The following GNAS variants were observed in gnomAD, a reference collection of about 807,000 sequenced individuals.
GNAS encodes the protein protein ALEX.
Under a neutral mutation model 54.5 loss-of-function variants are expected in GNAS, and 8 were observed. That is an observed-to-expected ratio of 0.15 (90% confidence interval 0.09 to 0.26). The LOEUF (loss-of-function observed/expected upper bound fraction) is 0.26. Ranked by LOEUF, GNAS falls within the 10% of genes least tolerant of loss-of-function variation. The pLI, the probability that GNAS is intolerant of heterozygous loss-of-function variation, is 1.00. For synonymous variants in GNAS, 204 were observed against 191.4 expected, an observed-to-expected ratio of 1.07 and a Z score of -0.54; for missense variants, 170 against 529.8, an observed-to-expected ratio of 0.32 and a Z score of 6.67.
rs772065452 is a variant in GNAS at position 58,853,955 on chromosome 20, A to C, written c.43+13069A>C. 6.2e-7 allele frequency: 1 copy of C among 1,612,202 alleles called. No individual in the cohort carries two copies. Among genetic ancestry groups the C allele is most frequent in the South Asian group, 1.1e-5 (1 of 90,988 alleles). ...AGACTATGCCATTTGAGCTTGATGG[A>C]GAAGGATTTGGGGACGACAGCCCAC... On this transcript the variant is annotated intron_variant, in intron 1 of 12. Transcript: ENST00000306090. This position sits in a 1 kb window ranked among gnomAD's most constrained non-coding sequence, Gnocchi z 4.4.
At chr20:58,840,632 A>T, upstream of GNAS, 1 of 1,606,498 alleles carries the variant, frequency 6.2e-7, no homozygotes, top group Non-Finnish European at 8.5e-7. This position sits in a 1 kb window ranked among gnomAD's most constrained non-coding sequence, Gnocchi z 6.0. Context: ...CGCCTCCCCA[A>T]GTCGCGCGCC....
chr20:58,854,528 C>T lies in GNAS; in HGVS notation c.43+13642C>T, dbSNP rs1363700415. The T allele has an allele frequency of 1.9e-6, 3 of 1,580,446 alleles. No homozygotes were observed. Among genetic ancestry groups the T allele is most frequent in the Non-Finnish European group, 2.6e-6 (3 of 1,170,960 alleles). ...CCGGGACAGCACCAGCCGATCCTGA[C>T]TCCGGGGCATTCGCAGCCGATCCCG... On this transcript the variant is annotated intron_variant, in intron 1 of 12. Coordinates refer to the GNAS transcript ENST00000306090.
At chr20:58,892,842 G>C (rs542154991) in intron 1 of GNAS, among the ~76,000 whole-genome samples, 1 of 151,632 alleles carries the variant, frequency 6.6e-6, no homozygotes, top group African/African-American at 2.4e-5. Context: ...TTTTTCAAAA[G>C]CAGAGCGGAG....
At chr20:58,899,011 A>T in intron 3 of GNAS, 26 bp downstream of exon 3, 1 of 1,584,142 alleles carries the variant, frequency 6.3e-7, no homozygotes, top group Non-Finnish European at 8.7e-7. Flanking sequence ...ACCAGAAAAA[A>T]TTGTTAACAA....
Position 58,841,813 on chromosome 20 carries a change from G to C in GNAS, c.43+927G>C. 5 of 1,230,928 alleles carry C rather than the reference G, an allele frequency of 4.1e-6. No homozygotes were observed. The highest frequency in any genetic ancestry group is 5.1e-6 in the Non-Finnish European group (5 of 987,976). 76.3% of individuals were successfully genotyped at this position (1,230,928 alleles called of 1,614,324 possible). On this transcript the variant is annotated intron_variant, in intron 1 of 12. Coordinates refer to the GNAS transcript ENST00000306090. The surrounding 1 kb of genome is among the most constrained non-coding windows in gnomAD (Gnocchi z 5.0). ...GGCCAGGCTGCATGCGGCTTAGCAGGAGACGTCCTGGGCTGTTTGCGCAGG... is the reference window on the plus strand; with the variant it reads ...GGCCAGGCTGCATGCGGCTTAGCAGCAGACGTCCTGGGCTGTTTGCGCAGG...
chr20:58,899,983 C>T, intron 3 of GNAS: 2 of 717,234 alleles, frequency 2.8e-6, no homozygotes, highest in Non-Finnish European at 5.2e-6. Flanking sequence ...TACAGTTTCT[C>T]ATCTTCCCGG....
rs1419379810 is a variant in GNAS, at chr20:58,856,655, G to A, written c.43+15769G>A. Reference sequence around the variant, plus strand: ...TGAATTTTTTCAGGCAGCTTTAGCTGGGGGCAAAGAGGCTTGTCAAAGGTA... The same window carrying A: ...TGAATTTTTTCAGGCAGCTTTAGCTAGGGGCAAAGAGGCTTGTCAAAGGTA... On this transcript the variant is annotated intron_variant, in intron 1 of 12. Transcript: ENST00000306090. This position sits in a 1 kb window ranked among gnomAD's most constrained non-coding sequence, Gnocchi z 4.2. The A allele has an allele frequency of 6.6e-6, 1 of 152,250 alleles. No homozygotes were observed. The highest frequency in any genetic ancestry group is 2.4e-5 in the African/African-American group (1 of 41,464). The allele number at this position is 152,250 out of a possible 1,614,324, so 9.4% of individuals were successfully genotyped here. A position where few individuals can be genotyped will look rare whatever the true frequency, so the allele number is the denominator to read the frequency against.
Position 58,909,271 on chromosome 20 carries a change from C to G in GNAS, c.585+55C>G, listed in dbSNP as rs3730172. The G allele has an allele frequency of 0.02, 31,898 of 1,585,572 alleles. 1,337 individuals carry two copies. Among genetic ancestry groups the G allele is most frequent in the African/African-American group, 0.18 (13,075 of 74,296 alleles). Reference sequence around the variant, plus strand: ...TCTGAGCCCTCTTTCCAAACTACTCCAGACCTTTGCTTTAGATTGGCAATT... The same window carrying G: ...TCTGAGCCCTCTTTCCAAACTACTCGAGACCTTTGCTTTAGATTGGCAATT... On this transcript the variant is annotated intron_variant, in intron 7 of 12. Coordinates refer to ENST00000371085, the MANE Select transcript of GNAS (RefSeq NM_000516.7). This position sits in a 1 kb window ranked among gnomAD's most constrained non-coding sequence, Gnocchi z 7.3.
chr20:58,899,873 G>C, intron 3 of GNAS: 2 of 712,644 alleles, frequency 2.8e-6, no homozygotes, highest in African/African-American at 1.8e-5. Context: ...TTCTGTGGCC[G>C]GGGAGGGGAG....
chr20:58,846,732 G>A (rs2085954651), intron 1 of GNAS, among the ~76,000 whole-genome samples: 1 of 152,180 alleles, frequency 6.6e-6, no homozygotes, highest in Non-Finnish European at 1.5e-5. Flanking sequence ...TTATGTCGCT[G>A]TCTTAATTAG....
At chr20:58,898,814 T>A in intron 2 of GNAS, 127 bp from the exon 3 acceptor site, 1 of 860,058 alleles carries the variant, frequency 1.2e-6, no homozygotes, top group Non-Finnish European at 2.0e-6. Context: ...GGAGGATGGA[T>A]GGCTGGCGCG....
chr20:58,900,942 G>A lies in GNAS; in HGVS notation c.257+1957G>A, dbSNP rs183592819. Among the ~76,000 whole-genome samples, 401 of 152,112 alleles carry A rather than the reference G, an allele frequency of 2.6e-3. 2 individuals carry two copies. Among genetic ancestry groups the A allele is most frequent in the Non-Finnish European group, 4.1e-3 (278 of 67,996 alleles). On this transcript the variant is annotated intron_variant, in intron 3 of 12. Transcript: ENST00000371085. ...ACATACGTAGATGAATACTGAACACGTTCTCAAAATATCCGTATTTTAAGA... is the reference window on the plus strand; with the variant it reads ...ACATACGTAGATGAATACTGAACACATTCTCAAAATATCCGTATTTTAAGA...
intron 2 of GNAS, chr20:58,897,986 ACT>A (rs577435509): frequency 3.9e-5 from 6 of 151,910 alleles, no homozygotes; most frequent in South Asian, 4.2e-4. Flanking sequence ...ATTTGCCTTA[ACT>A]CTCTGCGGGC....
chr20:58,888,064 T>G (rs2088716218), upstream of GNAS, among the ~76,000 whole-genome samples: 1 of 152,204 alleles, frequency 6.6e-6, no homozygotes, highest in Non-Finnish European at 1.5e-5. Flanking sequence ...CCCATACCCC[T>G]GGGGACTGTT....
intron 1 of GNAS, among the ~76,000 whole-genome samples, chr20:58,844,449 C>G (rs1284396199): frequency 6.6e-6 from 1 of 152,168 alleles, no homozygotes; most frequent in Non-Finnish European, 1.5e-5. Flanking sequence ...TTTCCTATAA[C>G]TTGATGTCCC....
chr20:58,889,163 C>T (rs772817970), upstream of GNAS: 135 of 1,215,698 alleles, frequency 1.1e-4, 1 homozygote, highest in Admixed American at 2.7e-5. Flanking sequence ...AAGCTCTGCT[C>T]CCCGGCGGGG....
At chr20:58,839,950 TCCC>T (rs2085656179), upstream of GNAS, 1 of 717,290 alleles carries the variant, frequency 1.4e-6, no homozygotes, top group Admixed American at 2.7e-5. Flanking sequence ...GGTAGGTGCT[TCCC>T]TTTTTCTCCT....
intron 3 of GNAS, chr20:58,899,472 C>T (rs766303836): frequency 5.6e-6 from 3 of 539,708 alleles, no homozygotes; most frequent in South Asian, 2.8e-5. Flanking sequence ...TGGTACCTTG[C>T]AGCAGGTCGT....
chr20:58,877,628 C>A (rs2087913355), intron 1 of GNAS, among the ~76,000 whole-genome samples: 1 of 152,238 alleles, frequency 6.6e-6, no homozygotes, highest in Non-Finnish European at 1.5e-5. Flanking sequence ...AAGCCCAGGA[C>A]TGATGCTCTG....
Sources: gnomAD v4.1 joint callset for allele counts (sites outside exome capture counted in the v4.1 genomes callset) on GRCh38, gnomAD v4.1.1 for gene constraint, Gnocchi (gnomAD v3.1) non-coding constraint, MANE v1.5 for transcripts, NCBI Gene and HGNC (gene_info 2026-07-23, HGNC 2026-07-21) for gene names.